Variants in NPAS3 observed in about 807,000 individuals in gnomAD.
NPAS3 encodes the protein neuronal PAS domain-containing protein 3.
In NPAS3, 14 loss-of-function variants were observed where a neutral mutation model predicts 73.1. The observed-to-expected ratio is 0.19, with a 90% CI of 0.13 to 0.30. NPAS3 has a LOEUF of 0.30. Among genes scored for constraint, NPAS3 ranks in the 10% least tolerant of loss-of-function variants. The pLI is 1.00. For missense variants in NPAS3, 1,096 were observed against 1,250.0 expected (o/e 0.88, Z 1.86); for synonymous variants, 620 against 541.5 (o/e 1.14, Z -2.01).
chr14:33,550,807 A>G (rs1044714259), intron 4 of NPAS3, among the ~76,000 whole-genome samples: 1 of 152,218 alleles, frequency 6.6e-6, no homozygotes, highest in African/African-American at 2.4e-5. Context: ...GCAGTGAAGC[A>G]ACATAGCCTC....
chr14:33,448,107 C>T lies in NPAS3; in HGVS notation c.468+80839C>T, dbSNP rs1361319871. 2.0e-5 allele frequency among the ~76,000 whole-genome samples: 3 copies of T among 151,974 alleles called. No individual in the cohort carries two copies. The East Asian group carries it at 5.8e-4, about 29-fold the overall frequency. ...GGAGGGATGGAGAAGATTATTAATT[C>T]GATTGGACAGATAAAAAATTTGAAG... is the stretch of plus-strand genomic sequence containing the variant. On this transcript the variant is annotated intron_variant, in intron 4 of 11. Coordinates refer to ENST00000356141, the Ensembl canonical transcript of NPAS3.
intron 4 of NPAS3, among the ~76,000 whole-genome samples, chr14:33,511,019 T>C (rs557386904): frequency 6.6e-6 from 1 of 152,194 alleles, no homozygotes; most frequent in East Asian, 1.9e-4. Flanking sequence ...GCTTGTGTTG[T>C]TTTAAGCTGG....
chr14:33,510,168 C>T (rs2052976936), intron 4 of NPAS3, among the ~76,000 whole-genome samples: 1 of 152,056 alleles, frequency 6.6e-6, no homozygotes, highest in Non-Finnish European at 1.5e-5. Flanking sequence ...TTGTTCTCTG[C>T]TAATGACAGC....
intron 3 of NPAS3, among the ~76,000 whole-genome samples, chr14:33,364,178 T>G (rs927491511): frequency 2.0e-5 from 3 of 152,164 alleles, no homozygotes; most frequent in African/African-American, 7.2e-5. Context: ...ATTGCTTTGC[T>G]GAAGATGACA....
intron 3 of NPAS3, among the ~76,000 whole-genome samples, chr14:33,274,044 C>T (rs1434847617): frequency 1.3e-5 from 2 of 152,126 alleles, no homozygotes; most frequent in Non-Finnish European, 2.9e-5. Context: ...CCAGAAGATG[C>T]TGTTTGGAGA....
At chr14:33,765,620 G>C (rs1357565865) in intron 7 of NPAS3, among the ~76,000 whole-genome samples, 1 of 152,196 alleles carries the variant, frequency 6.6e-6, no homozygotes, top group South Asian at 2.1e-4. Context: ...TTTTCAAAGA[G>C]CCAAAAGGCA....
At chr14:33,662,681 A>G (rs557333858) in intron 5 of NPAS3, among the ~76,000 whole-genome samples, 1 of 152,094 alleles carries the variant, frequency 6.6e-6, no homozygotes, top group East Asian at 1.9e-4. Context: ...TGTACATTGT[A>G]TTCCTAGGTA....
chr14:33,150,883 C>T (rs953715892), intron 2 of NPAS3, among the ~76,000 whole-genome samples: 2 of 152,222 alleles, frequency 1.3e-5, no homozygotes, highest in Admixed American at 1.3e-4. Context: ...GAGCCAATTT[C>T]ATTGCTGGGC....
At chr14:33,040,449 A>C (rs1174238698) in intron 1 of NPAS3, among the ~76,000 whole-genome samples, 1 of 152,166 alleles carries the variant, frequency 6.6e-6, no homozygotes, top group Non-Finnish European at 1.5e-5. Context: ...TTTATATAAT[A>C]ATTGTGTATA....
chr14:33,399,234 G>C (rs1442734073), intron 4 of NPAS3, among the ~76,000 whole-genome samples: 1 of 152,076 alleles, frequency 6.6e-6, no homozygotes, highest in Admixed American at 6.6e-5. Flanking sequence ...ACATACACTT[G>C]CTTTTCATTA....
chr14:33,092,504 G>A (rs1022891232), intron 2 of NPAS3, among the ~76,000 whole-genome samples: 2 of 152,128 alleles, frequency 1.3e-5, no homozygotes, highest in Non-Finnish European at 2.9e-5. Flanking sequence ...CCATGGTCGT[G>A]GATAGGAAGA....
intron 2 of NPAS3, among the ~76,000 whole-genome samples, chr14:33,187,335 A>G (rs1359387262): frequency 2.6e-5 from 4 of 152,110 alleles, no homozygotes; most frequent in African/African-American, 2.4e-5. Flanking sequence ...CATGCACACT[A>G]CCCTCACCTG....
intron 9 of NPAS3, among the ~76,000 whole-genome samples, chr14:33,790,210 T>C (rs1055487397): frequency 2.0e-5 from 3 of 152,232 alleles, no homozygotes; most frequent in Non-Finnish European, 4.4e-5. Context: ...AATTAACTCT[T>C]TTTAAGGACT....
chr14:33,485,368 C>CT (rs2051532842), intron 4 of NPAS3, among the ~76,000 whole-genome samples: 1 of 152,110 alleles, frequency 6.6e-6, no homozygotes, highest in African/African-American at 2.4e-5. Flanking sequence ...TAAGTCGGTG[C>CT]TTGCCTGGGG....
At chr14:33,071,096 T>A (rs2041470075) in intron 2 of NPAS3, among the ~76,000 whole-genome samples, 1 of 152,224 alleles carries the variant, frequency 6.6e-6, no homozygotes, top group Non-Finnish European at 1.5e-5. Flanking sequence ...ATGACACATT[T>A]ACCCAGGAGG....
At chr14:33,391,256 C>T (rs571516125) in intron 4 of NPAS3, among the ~76,000 whole-genome samples, 12 of 142,422 alleles carry the variant, frequency 8.4e-5, no homozygotes, top group Admixed American at 1.5e-4. Context: ...TGCAATGGCG[C>T]GATCTCGGCT....
intron 2 of NPAS3, among the ~76,000 whole-genome samples, chr14:33,106,449 G>C (rs1020499824): frequency 1.3e-5 from 2 of 152,114 alleles, no homozygotes; most frequent in East Asian, 1.9e-4. Flanking sequence ...AACTGGACTA[G>C]AGTAAAATTT....
At chr14:33,658,048 C>T (rs942667731) in intron 5 of NPAS3, among the ~76,000 whole-genome samples, 1 of 152,236 alleles carries the variant, frequency 6.6e-6, no homozygotes, top group Admixed American at 6.5e-5. Context: ...CAAGCCTTGC[C>T]CAAGCTCTTT....
intron 5 of NPAS3, among the ~76,000 whole-genome samples, chr14:33,648,370 A>G (rs2058894780): frequency 6.6e-6 from 1 of 152,186 alleles, no homozygotes; most frequent in African/African-American, 2.4e-5. Context: ...TAGTCTTCCA[A>G]TTGTGTCACT....
Sources: gnomAD v4.1 joint callset for allele counts (sites outside exome capture counted in the v4.1 genomes callset) on GRCh38, gnomAD v4.1.1 for gene constraint, MANE v1.5 for transcripts, NCBI Gene and HGNC (gene_info 2026-07-23, HGNC 2026-07-21) for gene names.